MFSD2A: variants seen among roughly 807,000 people sequenced by gnomAD.
The protein encoded by MFSD2A is sodium-dependent lysophosphatidylcholine symporter 1.
A neutral mutation model predicts 64.7 loss-of-function variants in MFSD2A; 27 were observed. The ratio of observed to expected loss-of-function variants is 0.42; its 90% CI spans 0.31 to 0.58. The LOEUF (loss-of-function observed/expected upper bound fraction) is 0.58. Ranked by LOEUF, MFSD2A falls within the 20% of genes least tolerant of loss-of-function variation. The pLI, the probability that MFSD2A is intolerant of heterozygous loss-of-function variation, is 0.18. For synonymous variants in MFSD2A, 258 were observed against 273.4 expected, an observed-to-expected ratio of 0.94 and a Z score of 0.55; for missense variants, 474 against 679.5, an observed-to-expected ratio of 0.70 and a Z score of 3.36.
chr1:39,955,550 C>T lies in MFSD2A; in HGVS notation c.93+165C>T, dbSNP rs1224067139. On this transcript the variant is annotated intron_variant, in intron 1 of 13. Coordinates refer to ENST00000372811, the MANE Select transcript of MFSD2A (RefSeq NM_032793.5). This position sits in a 1 kb window ranked among gnomAD's most constrained non-coding sequence, Gnocchi z 5.9. ...GGGGGTGCCCTGGGACAGGGGGTGA[C>T]GGAGAAAAGCTGTGGGCGCCCTCGC... 1.3e-6 allele frequency: 1 copy of T among 784,824 alleles called. No homozygotes were observed. The highest frequency in any genetic ancestry group is 1.5e-5 in the South Asian group (1 of 67,598). The allele number at this position is 784,824 out of a possible 1,614,324, so 48.6% of individuals were successfully genotyped here.
In MFSD2A at chr1:39,955,263, C is replaced by G. The variant is rs1296993581; in HGVS notation, c.-30C>G. 1.4e-6 allele frequency: 2 copies of G among 1,393,486 alleles called. No individual in the cohort carries two copies. The highest frequency in any genetic ancestry group is 1.9e-6 in the Non-Finnish European group (2 of 1,072,284). 86.3% of individuals were successfully genotyped at this position (1,393,486 alleles called of 1,614,324 possible). A position where few individuals can be genotyped will look rare whatever the true frequency, so the allele number is the denominator to read the frequency against. ...GCGGGGCAGAGGAGCATCCCGTCTA[C>G]CAGGTCCCAAGCGGCGTGGCCCGCG... On this transcript the variant is annotated 5_prime_UTR_variant, in exon 1 of 14. Transcript: ENST00000372811. This position sits in a 1 kb window ranked among gnomAD's most constrained non-coding sequence, Gnocchi z 5.9.
rs2124751810 is a variant in MFSD2A at position 39,955,462 on chromosome 1, C to T, written c.93+77C>T. 1 of 1,435,624 alleles carries T rather than the reference C, an allele frequency of 7.0e-7. No individual in the cohort carries two copies. Among genetic ancestry groups the T allele is most frequent in the Non-Finnish European group, 9.5e-7 (1 of 1,055,734 alleles). 88.9% of individuals were successfully genotyped at this position (1,435,624 alleles called of 1,614,324 possible). ...TGGGGGATCAGGGGCGTCCCGGGGT[C>T]GGCCTGGTCAGGGGACCATTGGGAT... On this transcript the variant is annotated intron_variant, in intron 1 of 13. Transcript: ENST00000372811. This position sits in a 1 kb window ranked among gnomAD's most constrained non-coding sequence, Gnocchi z 5.9.
Position 39,965,380 on chromosome 1 carries a change from G to A in MFSD2A, c.477+46G>A, listed in dbSNP as rs749896656. 6.2e-6 allele frequency: 10 copies of A among 1,613,462 alleles called. No homozygotes were observed. The Admixed American group carries it at 1.3e-4, about 22-fold the overall frequency. ...TGGGTGTCTCTAGGGGCCGGGAGGAGGGCGGTCCTTGGGGCCCCCAGGGTT... is the reference window on the plus strand; with the variant it reads ...TGGGTGTCTCTAGGGGCCGGGAGGAAGGCGGTCCTTGGGGCCCCCAGGGTT... On this transcript the variant is annotated intron_variant, in intron 4 of 13. Transcript: ENST00000372811. This position sits in a 1 kb window ranked among gnomAD's most constrained non-coding sequence, Gnocchi z 5.5.
In MFSD2A at chr1:39,961,263, C is replaced by G. The variant is rs564077536; in HGVS notation, c.353+2438C>G. Reference sequence around the variant, plus strand: ...TCTCCTCCTGGGCCTCAGGGCAACCCCTGCTTTAAGCCTACATTTAAATCC... The same window carrying G: ...TCTCCTCCTGGGCCTCAGGGCAACCGCTGCTTTAAGCCTACATTTAAATCC... On this transcript the variant is annotated intron_variant, in intron 3 of 13. Transcript: ENST00000372811. Among the ~76,000 whole-genome samples the G allele has an allele frequency of 3.3e-5, 5 of 149,852 alleles. No individual in the cohort carries two copies. The East Asian group carries it at 1.0e-3, about 30-fold the overall frequency.
At chr1:39,966,214 C>G (rs2124776734) in intron 6 of MFSD2A, among the ~76,000 whole-genome samples, 200 bp downstream of exon 6, 1 of 152,336 alleles carries the variant, frequency 6.6e-6, no homozygotes, top group Middle Eastern at 3.4e-3. Flanking sequence ...TGCCCAGAGT[C>G]ATAAAGTTAG....
Position 39,958,869 on chromosome 1 carries a change from C to A in MFSD2A, c.353+44C>A, listed in dbSNP as rs781069459. On this transcript the variant is annotated intron_variant, in intron 3 of 13. Coordinates refer to ENST00000372811, the MANE Select transcript of MFSD2A (RefSeq NM_032793.5). This position sits in a 1 kb window ranked among gnomAD's most constrained non-coding sequence, Gnocchi z 4.7. ...TTCGAGGTGGCACAAGGCAGGACTTCCAGCATATCTGCTCCTTGGTCCTTC... is the reference window on the plus strand; with the variant it reads ...TTCGAGGTGGCACAAGGCAGGACTTACAGCATATCTGCTCCTTGGTCCTTC... 1.4e-5 allele frequency: 21 copies of A among 1,537,796 alleles called. No individual in the cohort carries two copies. The highest frequency in any genetic ancestry group is 1.8e-5 in the Non-Finnish European group (21 of 1,139,950).
chr1:39,967,524 C>G, intron 9 of MFSD2A, 104 bp from the exon 10 acceptor site: 1 of 1,015,542 alleles, frequency 9.8e-7, no homozygotes. Flanking sequence ...TGTCATCTGG[C>G]TGCTCTTGGG....
At chr1:39,957,879 A>G (rs1644961808) in intron 2 of MFSD2A, 1 of 152,370 alleles carries the variant, frequency 6.6e-6, no homozygotes, top group Admixed American at 6.5e-5. Flanking sequence ...CTTGGCAAGC[A>G]TCGCATCTTA....
Position 39,955,159 on chromosome 1 carries a change from G to C in MFSD2A, c.-134G>C. 1 of 619,544 alleles carries C rather than the reference G, an allele frequency of 1.6e-6. No individual in the cohort carries two copies. Among genetic ancestry groups the C allele is most frequent in the Non-Finnish European group, 2.4e-6 (1 of 416,870 alleles). The allele number at this position is 619,544 out of a possible 1,614,324, so 38.4% of individuals were successfully genotyped here. On this transcript the variant is annotated 5_prime_UTR_variant, in exon 1 of 14. Coordinates refer to ENST00000372811, the MANE Select transcript of MFSD2A (RefSeq NM_032793.5). The surrounding 1 kb of genome is among the most constrained non-coding windows in gnomAD (Gnocchi z 5.9). ...GGGCGTGCAGCAGAGTGCGTTCCTCGTCTGCCAGCCGGCTTGGCTAGCGCG... is the reference window on the plus strand; with the variant it reads ...GGGCGTGCAGCAGAGTGCGTTCCTCCTCTGCCAGCCGGCTTGGCTAGCGCG...
In MFSD2A at chr1:39,967,055, C is replaced by T. The variant is rs758129279; in HGVS notation, c.928-31C>T. 6.2e-6 allele frequency: 10 copies of T among 1,612,654 alleles called. No individual in the cohort carries two copies. The East Asian group carries it at 1.6e-4, about 25-fold the overall frequency. ...AGCCCCAACATCACCTCCTTCCTTG[C>T]ATTTCCTTCCCTACCTTGCTCCATG... On this transcript the variant is annotated intron_variant, in intron 8 of 13. Transcript: ENST00000372811.
chr1:39,955,279 G>A lies in MFSD2A; in HGVS notation c.-14G>A. On this transcript the variant is annotated 5_prime_UTR_variant, in exon 1 of 14. It adds an upstream start codon to the 5' untranslated region. Coordinates refer to ENST00000372811, the MANE Select transcript of MFSD2A (RefSeq NM_032793.5). The surrounding 1 kb of genome is among the most constrained non-coding windows in gnomAD (Gnocchi z 5.9). Reference sequence around the variant, plus strand: ...TCCCGTCTACCAGGTCCCAAGCGGCGTGGCCCGCGGGTCATGGCCAAAGGA... The same window carrying A: ...TCCCGTCTACCAGGTCCCAAGCGGCATGGCCCGCGGGTCATGGCCAAAGGA... 1 of 1,408,236 alleles carries A rather than the reference G, an allele frequency of 7.1e-7. No homozygotes were observed. Among genetic ancestry groups the A allele is most frequent in the Admixed American group, 2.9e-5 (1 of 34,038 alleles). 87.2% of individuals were successfully genotyped at this position (1,408,236 alleles called of 1,614,324 possible).
chr1:39,955,192 C>T lies in MFSD2A; in HGVS notation c.-101C>T. The stretch of plus-strand genomic sequence containing the variant: ...GCCGGCTTGGCTAGCGCGCGGCGGC[C>T]GTGGCTAAGGCTGCTACGAAGCGAG... On this transcript the variant is annotated 5_prime_UTR_variant, in exon 1 of 14. Transcript: ENST00000372811. This position sits in a 1 kb window ranked among gnomAD's most constrained non-coding sequence, Gnocchi z 5.9. The T allele has an allele frequency of 2.0e-6, 2 of 1,010,686 alleles. No homozygotes were observed. Among genetic ancestry groups the T allele is most frequent in the African/African-American group, 3.4e-5 (2 of 59,648 alleles). The allele number at this position is 1,010,686 out of a possible 1,614,324, so 62.6% of individuals were successfully genotyped here.
At position 39,965,129 on chromosome 1, in the gene MFSD2A, C is replaced by A. The variant is rs1043100820; in HGVS notation, c.354-82C>A. 1.5e-5 allele frequency: 23 copies of A among 1,575,086 alleles called. No individual in the cohort carries two copies. The highest frequency in any genetic ancestry group is 1.9e-5 in the Non-Finnish European group (22 of 1,154,806). ...AGCTTAGCTTCCTTCCCTGTGGGGACCCTGTGAGGCACAGCAGACTGGGCT... is the reference window on the plus strand; with the variant it reads ...AGCTTAGCTTCCTTCCCTGTGGGGAACCTGTGAGGCACAGCAGACTGGGCT... On this transcript the variant is annotated intron_variant, in intron 3 of 13. Transcript: ENST00000372811. The surrounding 1 kb of genome is among the most constrained non-coding windows in gnomAD (Gnocchi z 5.5).
chr1:39,969,029 C>T (rs1196758471), intron 13 of MFSD2A, among the ~76,000 whole-genome samples: 1 of 152,226 alleles, frequency 6.6e-6, no homozygotes, highest in Non-Finnish European at 1.5e-5. Context: ...CATCACCTCC[C>T]ATACCCCTCC....
intron 2 of MFSD2A, among the ~76,000 whole-genome samples, 182 bp downstream of exon 2, chr1:39,957,403 G>GTCTCCACTCCAGGAGTC (rs1557629022): frequency 6.6e-6 from 1 of 152,220 alleles, no homozygotes; most frequent in Non-Finnish European, 1.5e-5. Context: ...GTAAAGGAGT[G>GTCTCCACTCCAGGAGTC]TCTCCACTCC....
At position 39,967,382 on chromosome 1, in the gene MFSD2A, A is replaced by T. The variant is rs1458002283; in HGVS notation, c.1011+213A>T. The stretch of plus-strand genomic sequence containing the variant: ...ATGTTTGAGTAGTGAGCACAGCAAA[A>T]GCAAGGGCGAGGACACCAGGAACTT... On this transcript the variant is annotated intron_variant, in intron 9 of 13. Coordinates refer to ENST00000372811, the MANE Select transcript of MFSD2A (RefSeq NM_032793.5). 4 of 627,696 alleles carry T rather than the reference A, an allele frequency of 6.4e-6. No homozygotes were observed. In the East Asian group the frequency reaches 1.1e-4, roughly 17 times the overall value. The allele number at this position is 627,696 out of a possible 1,614,324, so 38.9% of individuals were successfully genotyped here. A position where few individuals can be genotyped will look rare whatever the true frequency, so the allele number is the denominator to read the frequency against.
In MFSD2A at chr1:39,968,894, T is replaced by A; in HGVS notation, c.1529+149T>A. On this transcript the variant is annotated intron_variant, in intron 13 of 13. Transcript: ENST00000372811. This position sits in a 1 kb window ranked among gnomAD's most constrained non-coding sequence, Gnocchi z 4.4. ...CTTAAGTACGCACCAGGCACTGTGTTAAGTGGTCTTACCTTTATTCAACAA... is the reference window on the plus strand; with the variant it reads ...CTTAAGTACGCACCAGGCACTGTGTAAAGTGGTCTTACCTTTATTCAACAA... 1.2e-6 allele frequency: 1 copy of A among 820,158 alleles called. No homozygotes were observed. The highest frequency in any genetic ancestry group is 1.9e-6 in the Non-Finnish European group (1 of 528,564). 50.8% of individuals were successfully genotyped at this position (820,158 alleles called of 1,614,324 possible). A position where few individuals can be genotyped will look rare whatever the true frequency, so the allele number is the denominator to read the frequency against.
Position 39,958,294 on chromosome 1 carries a change from C to A in MFSD2A, c.229-407C>A, listed in dbSNP as rs757066769. Among the ~76,000 whole-genome samples, 2 of 152,112 alleles carry A rather than the reference C, an allele frequency of 1.3e-5. No individual in the cohort carries two copies. The highest frequency in any genetic ancestry group is 4.8e-5 in the African/African-American group (2 of 41,392). ...GAGCTTGAACCTGTAAGGTAGAGCT[C>A]ATAACTCCCATTATACAGATGGGAA... On this transcript the variant is annotated intron_variant, in intron 2 of 13. Coordinates refer to ENST00000372811, the MANE Select transcript of MFSD2A (RefSeq NM_032793.5). The surrounding 1 kb of genome is among the most constrained non-coding windows in gnomAD (Gnocchi z 4.7).
Position 39,958,327 on chromosome 1 carries a change from G to C in MFSD2A, c.229-374G>C, listed in dbSNP as rs1644970132. ...CCATTATACAGATGGGAACACTGAA[G>C]CACACTGTGTTCACCCCGTGAATGC... On this transcript the variant is annotated intron_variant, in intron 2 of 13. Transcript: ENST00000372811. This position sits in a 1 kb window ranked among gnomAD's most constrained non-coding sequence, Gnocchi z 4.7. Among the ~76,000 whole-genome samples the C allele has an allele frequency of 6.6e-6, 1 of 152,104 alleles. No homozygotes were observed. Among genetic ancestry groups the C allele is most frequent in the African/African-American group, 2.4e-5 (1 of 41,404 alleles).
Sources: gnomAD v4.1 joint callset for allele counts (sites outside exome capture counted in the v4.1 genomes callset) on GRCh38, gnomAD v4.1.1 for gene constraint, Gnocchi (gnomAD v3.1) non-coding constraint, MANE v1.5 for transcripts, NCBI Gene and HGNC (gene_info 2026-07-23, HGNC 2026-07-21) for gene names.